The following KCNQ3 variants were observed in gnomAD, a reference collection of about 807,000 sequenced individuals.
The protein encoded by KCNQ3 is potassium voltage-gated channel subfamily KQT member 3.
A neutral mutation model predicts 92.5 loss-of-function variants in KCNQ3; 30 were observed. The ratio of observed to expected loss-of-function variants is 0.32; its 90% CI spans 0.24 to 0.44. The LOEUF is 0.44. KCNQ3 is among the 20% of genes least tolerant of loss of function. The probability of loss-of-function intolerance (pLI) is 1.00; values close to 1 mark genes in which losing one functional copy is unlikely to be tolerated. For missense variants in KCNQ3, 913 were observed against 1,140.3 expected (o/e 0.80, Z 2.87); for synonymous variants, 450 against 468.8 (o/e 0.96, Z 0.52).
At chr8:132,443,156 G>T (rs1353927863) in intron 1 of KCNQ3, among the ~76,000 whole-genome samples, 1 of 152,220 alleles carries the variant, frequency 6.6e-6, no homozygotes, top group African/African-American at 2.4e-5. Flanking sequence ...TAGGGAGGGG[G>T]TCGGGGAGGA....
At chr8:132,366,196 C>T (rs771091555) in intron 1 of KCNQ3, among the ~76,000 whole-genome samples, 45 of 152,080 alleles carry the variant, frequency 3.0e-4, no homozygotes, top group Non-Finnish European at 5.6e-4. Flanking sequence ...ATAGCTCTTG[C>T]ACATTTTTAG....
intron 1 of KCNQ3, among the ~76,000 whole-genome samples, chr8:132,225,061 C>A (rs919124065): frequency 1.3e-5 from 2 of 152,206 alleles, no homozygotes; most frequent in Non-Finnish European, 2.9e-5. Context: ...AATAGACCCA[C>A]CAGTTTGTCC....
At chr8:132,234,582 T>C (rs570744119) in intron 1 of KCNQ3, among the ~76,000 whole-genome samples, 2 of 152,246 alleles carry the variant, frequency 1.3e-5, no homozygotes, top group South Asian at 4.1e-4. Context: ...ACACACTATA[T>C]ACTGGACACT....
intron 1 of KCNQ3, among the ~76,000 whole-genome samples, chr8:132,209,388 T>C (rs975202323): frequency 1.3e-5 from 2 of 152,168 alleles, no homozygotes; most frequent in African/African-American, 4.8e-5. Flanking sequence ...AATGGTGTCT[T>C]GCCCTCCTTA....
chr8:132,383,047 ACTCT>A (rs1295334007), intron 1 of KCNQ3, among the ~76,000 whole-genome samples: 1 of 151,808 alleles, frequency 6.6e-6, no homozygotes, highest in East Asian at 1.9e-4. Flanking sequence ...TCTTCCTAAA[ACTCT>A]CTCATTCTAA....
chr8:132,284,947 T>C (rs965810958), intron 1 of KCNQ3, among the ~76,000 whole-genome samples: 2 of 152,236 alleles, frequency 1.3e-5, no homozygotes, highest in South Asian at 2.1e-4. Context: ...TTTTCTGCCT[T>C]GCTATTAAGT....
chr8:132,141,853 G>A (rs1825307327), intron 9 of KCNQ3, among the ~76,000 whole-genome samples: 1 of 152,144 alleles, frequency 6.6e-6, no homozygotes, highest in Admixed American at 6.6e-5. Flanking sequence ...CCGTGAGTTT[G>A]GATGGGGAAA....
intron 1 of KCNQ3, among the ~76,000 whole-genome samples, chr8:132,303,361 C>T (rs1270239495): frequency 6.6e-6 from 1 of 151,328 alleles, no homozygotes; most frequent in African/African-American, 2.4e-5. Flanking sequence ...CTAAATGAAT[C>T]ACTACAACAC....
chr8:132,259,985 G>A (rs1227192861), intron 1 of KCNQ3, among the ~76,000 whole-genome samples: 2 of 152,098 alleles, frequency 1.3e-5, no homozygotes, highest in African/African-American at 4.8e-5. Flanking sequence ...AAACATTGTT[G>A]ACATTAACTT....
In KCNQ3 at chr8:132,402,744, G is replaced by A. The variant is rs34232285; in HGVS notation, c.386+77403C>T. Among the ~76,000 whole-genome samples the A allele has an allele frequency of 5.9e-3, 893 of 152,142 alleles. 2 individuals are homozygous for A. The highest frequency in any genetic ancestry group is 9.3e-3 in the Non-Finnish European group (632 of 68,000). ...GTAAATAATAATGTATTGGCCCGGC[G>A]CGGTGGCTCATGCCTGTAATCCCGG... On this transcript the variant is annotated intron_variant, in intron 1 of 14. Transcript: ENST00000388996.
chr8:132,398,533 G>A (rs1820253294), intron 1 of KCNQ3, among the ~76,000 whole-genome samples: 1 of 152,040 alleles, frequency 6.6e-6, no homozygotes, highest in Non-Finnish European at 1.5e-5. Context: ...TCTCATTTGG[G>A]GTGCCCGAAG....
chr8:132,229,846 T>C (rs1279659514), intron 1 of KCNQ3, among the ~76,000 whole-genome samples: 2 of 152,144 alleles, frequency 1.3e-5, no homozygotes, highest in African/African-American at 2.4e-5. Context: ...CTAGGCTGAA[T>C]GCATTAGGAT....
intron 1 of KCNQ3, among the ~76,000 whole-genome samples, chr8:132,323,097 A>C (rs962670229): frequency 2.6e-5 from 4 of 152,196 alleles, no homozygotes; most frequent in Non-Finnish European, 2.9e-5. Flanking sequence ...CCAAGGAAGC[A>C]GGGAAGGCAG....
chr8:132,333,790 G>A (rs975396211), intron 1 of KCNQ3, among the ~76,000 whole-genome samples: 1 of 151,106 alleles, frequency 6.6e-6, no homozygotes, highest in Non-Finnish European at 1.5e-5. Context: ...CTGGAGTGCA[G>A]TGGTGTGATT....
At chr8:132,183,954 T>C (rs1337048853) in intron 3 of KCNQ3, among the ~76,000 whole-genome samples, 1 of 152,176 alleles carries the variant, frequency 6.6e-6, no homozygotes, top group Non-Finnish European at 1.5e-5. Context: ...CTCAATATCC[T>C]GCAACCTGCT....
At chr8:132,479,639 A>ACACG (rs1329035093) in intron 1 of KCNQ3, among the ~76,000 whole-genome samples, 4 of 151,244 alleles carry the variant, frequency 2.6e-5, no homozygotes, top group African/African-American at 9.8e-5. Context: ...ACACACACAC[A>ACACG]CACACACACA....
chr8:132,177,944 C>G (rs1417127265), intron 4 of KCNQ3, among the ~76,000 whole-genome samples: 2 of 152,222 alleles, frequency 1.3e-5, no homozygotes, highest in African/African-American at 4.8e-5. Context: ...GTGCAGAGAG[C>G]TCTGCTCCAG....
intron 1 of KCNQ3, among the ~76,000 whole-genome samples, chr8:132,312,588 T>C (rs1359902105): frequency 1.3e-5 from 2 of 152,186 alleles, no homozygotes; most frequent in Non-Finnish European, 2.9e-5. Flanking sequence ...TTATCTAGAA[T>C]TGTAATCCCC....
intron 1 of KCNQ3, among the ~76,000 whole-genome samples, chr8:132,391,662 T>C (rs1164648323): frequency 6.6e-6 from 1 of 152,192 alleles, no homozygotes; most frequent in Non-Finnish European, 1.5e-5. Context: ...GGTCTACAGC[T>C]ATCAGAAGAG....
Sources: allele counts gnomAD v4.1 joint callset (sites outside exome capture counted in the v4.1 genomes callset), GRCh38; gene constraint gnomAD v4.1.1; transcripts MANE v1.5; gene names NCBI Gene and HGNC (gene_info 2026-07-23, HGNC 2026-07-21).